Variants in FAM177A1 observed in about 807,000 individuals in gnomAD.
FAM177A1 encodes family with sequence similarity 177 member A1, also known as protein FAM177A1.
FAM177A1 carries 22 observed loss-of-function variants against 26.1 expected under a neutral mutation model. The observed-to-expected ratio is 0.84, with a 90% CI of 0.60 to 1.20. The LOEUF (loss-of-function observed/expected upper bound fraction) is 1.20. Ranked by LOEUF, FAM177A1 falls within the 50% of genes most tolerant of loss-of-function variation. The pLI is 0.00. For synonymous variants in FAM177A1, 95 were observed against 99.3 expected (o/e 0.96, Z 0.26); for missense variants, 296 against 291.1 (o/e 1.02, Z -0.12).
At chr14:35,066,032 T>C (rs1205144326) in intron 2 of FAM177A1, among the ~76,000 whole-genome samples, 1 of 151,960 alleles carries the variant, frequency 6.6e-6, no homozygotes, top group Non-Finnish European at 1.5e-5. Context: ...CATTGTCTGA[T>C]AATATGAAAA....
intron 2 of FAM177A1, among the ~76,000 whole-genome samples, chr14:35,060,101 G>A (rs915117646): frequency 2.0e-5 from 3 of 152,156 alleles, no homozygotes; most frequent in African/African-American, 7.2e-5. Context: ...AGCCTCTGGA[G>A]TAACTGGGCT....
chr14:35,079,149 C>G, intron 4 of FAM177A1, 125 bp downstream of exon 4: 1 of 627,766 alleles, frequency 1.6e-6, no homozygotes, highest in South Asian at 2.2e-5. Context: ...GCATTTCATT[C>G]TAGAATCATT....
intron 1 of FAM177A1, among the ~76,000 whole-genome samples, chr14:35,048,809 T>C (rs895265083): frequency 1.3e-5 from 2 of 151,626 alleles, no homozygotes; most frequent in African/African-American, 2.4e-5. Context: ...CCTAGTGCAA[T>C]GTAGGGAAAG....
In FAM177A1 at chr14:35,046,602, G is replaced by T; in HGVS notation, c.139G>T (p.Ala47Ser). Residue 47 changes from alanine to serine, a missense_variant, in exon 1 of 5, where the codon GCG (alanine) becomes TCG (serine). Coordinates refer to ENST00000280987, the MANE Select transcript of FAM177A1 (RefSeq NM_173607.5). Reference sequence around the variant, plus strand: ...CGCAGCCTCGGGAGCTGCGGCCGCCGCGGCATTCGGGGAATCTGCAGGGCA... The same window carrying T: ...CGCAGCCTCGGGAGCTGCGGCCGCCTCGGCATTCGGGGAATCTGCAGGGCA... ...AVAASGAAAA[A>S]AFGESAGQMS... 6.4e-7 allele frequency: 1 copy of T among 1,551,666 alleles called. No individual in the cohort carries two copies. The highest frequency in any genetic ancestry group is 8.7e-7 in the Non-Finnish European group (1 of 1,148,988).
intron 1 of FAM177A1, among the ~76,000 whole-genome samples, chr14:35,051,413 A>C (rs1345055562): frequency 6.6e-6 from 1 of 151,380 alleles, no homozygotes; most frequent in Non-Finnish European, 1.5e-5. Flanking sequence ...CACAGCACCC[A>C]GCCTTATTTT....
chr14:35,071,999 A>G (rs12896036), intron 2 of FAM177A1, among the ~76,000 whole-genome samples: 1 of 150,966 alleles, frequency 6.6e-6, no homozygotes, highest in African/African-American at 2.5e-5. Flanking sequence ...AATGTTGGCT[A>G]GGCGTGGTGG....
chr14:35,063,857 T>C (rs913953212), intron 2 of FAM177A1, among the ~76,000 whole-genome samples: 5 of 150,486 alleles, frequency 3.3e-5, no homozygotes, highest in Non-Finnish European at 7.4e-5. Context: ...CTGGCCAACA[T>C]GGTAAAACCC....
At position 35,079,153 on chromosome 14, in the gene FAM177A1, A is replaced by C. The variant is rs544080622; in HGVS notation, c.504+129A>C. The C allele has an allele frequency of 1.4e-5, 9 of 622,126 alleles. No homozygotes were observed. The African/African-American group carries it at 1.8e-4, about 12-fold the overall frequency. The allele number at this position is 622,126 out of a possible 1,614,324, so 38.5% of individuals were successfully genotyped here. On this transcript the variant is annotated intron_variant, in intron 4 of 4. Transcript: ENST00000280987. ...TCTTATGCTAGGCATTTCATTCTAG[A>C]ATCATTAATTTCTTTTATCAAAGTA... is the stretch of plus-strand genomic sequence containing the variant.
At chr14:35,063,976 A>G (rs2045200512) in intron 2 of FAM177A1, among the ~76,000 whole-genome samples, 2 of 147,000 alleles carry the variant, frequency 1.4e-5, no homozygotes, top group South Asian at 4.3e-4. Flanking sequence ...TGAATCCAGG[A>G]GGCAGAGATT....
chr14:35,071,925 A>G (rs183429971), intron 2 of FAM177A1, among the ~76,000 whole-genome samples: 3 of 151,964 alleles, frequency 2.0e-5, no homozygotes, highest in Non-Finnish European at 1.5e-5. Flanking sequence ...CAATTAACAC[A>G]TATTTCTTAT....
intron 2 of FAM177A1, among the ~76,000 whole-genome samples, chr14:35,061,462 ATT>A (rs35073054): frequency 8.2e-4 from 91 of 111,416 alleles, no homozygotes; most frequent in Non-Finnish European, 9.9e-4. Context: ...AGCTTTAAGT[ATT>A]TTTTTTTTTT....
chr14:35,074,674 C>T (rs2045369153), intron 2 of FAM177A1, among the ~76,000 whole-genome samples: 1 of 151,810 alleles, frequency 6.6e-6, no homozygotes, highest in Non-Finnish European at 1.5e-5. Flanking sequence ...TTTTTAATGC[C>T]CTTTTAATCA....
chr14:35,061,103 T>C (rs2045146492), intron 2 of FAM177A1, among the ~76,000 whole-genome samples: 1 of 152,172 alleles, frequency 6.6e-6, no homozygotes, highest in South Asian at 2.1e-4. Context: ...GGTTCAGTAT[T>C]ATCCGCAGTT....
In FAM177A1 at chr14:35,081,306, G is replaced by A; in HGVS notation, c.*78G>A. 5.5e-6 allele frequency: 7 copies of A among 1,276,504 alleles called. No homozygotes were observed. Among genetic ancestry groups the A allele is most frequent in the South Asian group, 4.7e-5 (3 of 64,294 alleles). 79.1% of individuals were successfully genotyped at this position (1,276,504 alleles called of 1,614,324 possible). A position where few individuals can be genotyped will look rare whatever the true frequency, so the allele number is the denominator to read the frequency against. Reference sequence around the variant, plus strand: ...AAACTTTCACATTCTTTATTCAGTGGGACTTAATACAATTATTTATATTTT... The same window carrying A: ...AAACTTTCACATTCTTTATTCAGTGAGACTTAATACAATTATTTATATTTT... On this transcript the variant is annotated 3_prime_UTR_variant, in exon 5 of 5. Coordinates refer to ENST00000280987, the MANE Select transcript of FAM177A1 (RefSeq NM_173607.5).
chr14:35,061,722 C>G (rs2045161303), intron 2 of FAM177A1, among the ~76,000 whole-genome samples: 1 of 151,136 alleles, frequency 6.6e-6, no homozygotes, highest in African/African-American at 2.4e-5. Flanking sequence ...ATGTAACTAA[C>G]TGGCACATTG....
In FAM177A1 at chr14:35,053,428, G is replaced by A. The variant is rs1448860353; in HGVS notation, c.316G>A (p.Asp106Asn). 1 of 1,614,036 alleles carries A rather than the reference G, an allele frequency of 6.2e-7. No homozygotes were observed. The highest frequency in any genetic ancestry group is 1.1e-5 in the South Asian group (1 of 91,070). Residue 106 changes from aspartate to asparagine, a missense_variant, in exon 2 of 5, where the codon GAT (aspartate) becomes AAT (asparagine). By Grantham distance (23) the Asp-to-Asn change is conservative. Coordinates refer to ENST00000280987, the MANE Select transcript of FAM177A1 (RefSeq NM_173607.5). ...CGAAGTTGATGGCCTGGAGAAGAAAGATGTTTTGCCTACTGTTGATCCGGT... is the reference window on the plus strand; with the variant it reads ...CGAAGTTGATGGCCTGGAGAAGAAAAATGTTTTGCCTACTGTTGATCCGGT... ...EDEVDGLEKK[D>N]VLPTVDPTKL... is the part of the protein sequence containing the mutation.
At chr14:35,075,154 T>C (rs1294930546) in intron 2 of FAM177A1, among the ~76,000 whole-genome samples, 1 of 152,228 alleles carries the variant, frequency 6.6e-6, no homozygotes, top group East Asian at 1.9e-4. Flanking sequence ...TGGCTTCATC[T>C]AGAGAGGCAG....
At chr14:35,052,829 G>C (rs1194865019) in intron 1 of FAM177A1, among the ~76,000 whole-genome samples, 1 of 152,106 alleles carries the variant, frequency 6.6e-6, no homozygotes, top group East Asian at 1.9e-4. Flanking sequence ...GGTGGACACA[G>C]AAGGATCACT....
At chr14:35,067,662 C>T (rs1429094625) in intron 2 of FAM177A1, among the ~76,000 whole-genome samples, 1 of 152,164 alleles carries the variant, frequency 6.6e-6, no homozygotes, top group Admixed American at 6.5e-5. Context: ...CCTGGGTTCC[C>T]TTTTCTCTAC....
Sources: allele counts gnomAD v4.1 joint callset (sites outside exome capture counted in the v4.1 genomes callset), GRCh38; gene constraint gnomAD v4.1.1; transcripts MANE v1.5; gene names NCBI Gene and HGNC (gene_info 2026-07-23, HGNC 2026-07-21).